LMTK3: variants seen among roughly 807,000 people sequenced by gnomAD.
LMTK3 encodes lemur tail kinase 3.
In LMTK3, 27 loss-of-function variants were observed where a neutral mutation model predicts 116.7. The observed-to-expected ratio is 0.23, with a 90% CI of 0.17 to 0.32. The LOEUF (loss-of-function observed/expected upper bound fraction) is 0.32, where lower values mean the gene tolerates loss of function less well. LMTK3 is among the 10% of genes least tolerant of loss of function. The pLI is 1.00. For missense variants in LMTK3, 1,764 were observed against 2,068.5 expected (o/e 0.85, Z 2.86); for synonymous variants, 965 against 971.0 (o/e 0.99, Z 0.11).
At chr19:48,504,155 A>G (rs1167765149) in intron 5 of LMTK3, among the ~76,000 whole-genome samples, 1 of 152,190 alleles carries the variant, frequency 6.6e-6, no homozygotes, top group African/African-American at 2.4e-5. Flanking sequence ...GGCGTGAACC[A>G]CCGCACCCTG....
intron 12 of LMTK3, 40 bp downstream of exon 12, chr19:48,493,654 A>T (rs1371728611): frequency 6.7e-7 from 1 of 1,503,408 alleles, no homozygotes; most frequent in Non-Finnish European, 8.9e-7. Context: ...TGCTCCCTCC[A>T]GGCCGCGACC....
intron 14 of LMTK3, 21 bp from the exon 15 acceptor site, chr19:48,485,810 C>A: frequency 6.2e-7 from 1 of 1,603,952 alleles, no homozygotes; most frequent in Non-Finnish European, 8.5e-7. Context: ...ACAGAGGAGA[C>A]AGAGAAATGA....
rs780931988 is a variant in LMTK3, at chr19:48,499,117, C to G, written c.1952G>C (p.Gly651Ala). ...ACCTCCAAGGCTGCTGCTGTCTTCCCCTGGGGAGCTGCCCTCCTCCTCCTC... is the reference window on the plus strand; with the variant it reads ...ACCTCCAAGGCTGCTGCTGTCTTCCGCTGGGGAGCTGCCCTCCTCCTCCTC... ...EEEEEEGSSPGEDSSSLGGGP... is the reference protein window; with the variant it reads ...EEEEEEGSSPAEDSSSLGGGP... The change falls in exon 11 of 15, where the codon GGG (glycine) becomes GCG (alanine). Residue 651 changes from glycine (G) to alanine (A), a missense_variant. Physicochemically the swap from Gly to Ala is moderately conservative, Grantham distance 60. Around this residue, in one of 7 missense-constraint regions of LMTK3, gnomAD observed 1,028 missense variants for 1,050.6 expected, o/e 0.98. Coordinates refer to ENST00000600059, the MANE Select transcript of LMTK3 (RefSeq NM_001388485.1). 1.1e-5 allele frequency: 17 copies of G among 1,558,656 alleles called. No individual in the cohort carries two copies. Among genetic ancestry groups the G allele is most frequent in the Admixed American group, 3.7e-5 (2 of 54,004 alleles).
In LMTK3 at chr19:48,502,485, G is replaced by C. The variant is rs761730706; in HGVS notation, c.742C>G (p.Leu248Val). 1.2e-6 allele frequency: 2 copies of C among 1,611,440 alleles called. No homozygotes were observed. The highest frequency in any genetic ancestry group is 2.2e-5 in the South Asian group (2 of 91,006). Residue 248 changes from leucine (L) to valine (V), a missense_variant, in exon 7 of 15, where the codon CTG becomes GTG. Physicochemically the swap from Leu to Val is conservative, Grantham distance 32. This residue lies in a region of LMTK3 where 271 missense variants were observed against 478.2 expected (regional missense o/e 0.57). Transcript: ENST00000600059. ...TGCGCCAGCCCGCGGGCGATCTCCA[G>C]GCCCATCCTCTGCAGCGTCCGCAGG... Reference protein sequence around the residue: ...RDLRTLQRMGLEIARGLAHLH... With the variant: ...RDLRTLQRMGVEIARGLAHLH...
intron 4 of LMTK3, among the ~76,000 whole-genome samples, chr19:48,509,231 T>G (rs1162216846): frequency 2.2e-5 from 3 of 134,108 alleles, no homozygotes; most frequent in African/African-American, 5.6e-5. Flanking sequence ...GTCAATGGAG[T>G]GAGGAGGGAG....
In LMTK3 at chr19:48,491,786, G is replaced by A. The variant is rs1203908272; in HGVS notation, c.4093-247C>T. On this transcript the variant is annotated intron_variant, in intron 12 of 14. Coordinates refer to ENST00000600059, the MANE Select transcript of LMTK3 (RefSeq NM_001388485.1). This position sits in a 1 kb window ranked among gnomAD's most constrained non-coding sequence, Gnocchi z 5.1. ...ACAGCGGAGCCCCGCGCACAGCTAA[G>A]TAGCCCAACGCAGGGATTCTCTCCT... 6.6e-6 allele frequency among the ~76,000 whole-genome samples: 1 copy of A among 152,176 alleles called. No homozygotes were observed. Among genetic ancestry groups the A allele is most frequent in the African/African-American group, 2.4e-5 (1 of 41,426 alleles).
chr19:48,489,303 A>G (rs576964752), intron 14 of LMTK3, among the ~76,000 whole-genome samples: 2 of 152,046 alleles, frequency 1.3e-5, no homozygotes, highest in Non-Finnish European at 2.9e-5. Context: ...GGGGCCGGGC[A>G]TGGTGGCTCA....
At chr19:48,509,357 T>C in intron 4 of LMTK3, 80 bp downstream of exon 4, 2 of 1,313,368 alleles carry the variant, frequency 1.5e-6, no homozygotes, top group Non-Finnish European at 2.1e-6. Context: ...TGAGAAGTGG[T>C]GAGAGCAGGG....
intron 11 of LMTK3, among the ~76,000 whole-genome samples, chr19:48,496,988 A>C (rs530221402): frequency 3.9e-4 from 59 of 152,226 alleles, no homozygotes; most frequent in Non-Finnish European, 6.6e-4. Flanking sequence ...AGCATGCTTC[A>C]TCCGTTTCCC....
Position 48,498,091 on chromosome 19 carries a change from C to G in LMTK3, c.2978G>C (p.Gly993Ala). Reference sequence around the variant, plus strand: ...GTCCTCGCTCTTTGGGGGTGTCAGGCCCCCATTCACCAGCACCTTCTCCCC... The same window carrying G: ...GTCCTCGCTCTTTGGGGGTGTCAGGGCCCCATTCACCAGCACCTTCTCCCC... Reference protein sequence around the residue: ...EAGEKVLVNGGLTPPKSEDKV... With the variant: ...EAGEKVLVNGALTPPKSEDKV... Residue 993 changes from glycine to alanine, a missense_variant, in exon 11 of 15, where the codon GGC (glycine) becomes GCC (alanine). Gly to Ala is a moderately conservative substitution (Grantham distance 60). Around this residue, in one of 7 missense-constraint regions of LMTK3, gnomAD observed 1,028 missense variants for 1,050.6 expected, o/e 0.98. Coordinates refer to ENST00000600059, the MANE Select transcript of LMTK3 (RefSeq NM_001388485.1). 6.2e-7 allele frequency: 1 copy of G among 1,613,090 alleles called. No homozygotes were observed. The highest frequency in any genetic ancestry group is 8.5e-7 in the Non-Finnish European group (1 of 1,179,770).
Position 48,499,121 on chromosome 19 carries a change from G to A in LMTK3, c.1948C>T (p.Pro650Ser). 2 of 1,558,350 alleles carry A rather than the reference G, an allele frequency of 1.3e-6. No homozygotes were observed. ...CCAAGGCTGCTGCTGTCTTCCCCTG[G>A]GGAGCTGCCCTCCTCCTCCTCCTCT... ...EEEEEEEGSSPGEDSSSLGGG... is the reference protein window; with the variant it reads ...EEEEEEEGSSSGEDSSSLGGG... The change falls in exon 11 of 15, where the codon CCA becomes TCA. Residue 650 changes from proline (P) to serine (S), a missense_variant. Pro to Ser is a moderately conservative substitution (Grantham distance 74). Around this residue, in one of 7 missense-constraint regions of LMTK3, gnomAD observed 1,028 missense variants for 1,050.6 expected, o/e 0.98. Transcript: ENST00000600059.
At chr19:48,493,034 C>T (rs1332953357) in intron 12 of LMTK3, among the ~76,000 whole-genome samples, 1 of 152,038 alleles carries the variant, frequency 6.6e-6, no homozygotes, top group Non-Finnish European at 1.5e-5. Context: ...CCCCTCAGGC[C>T]CTTCCCGCGC....
At chr19:48,506,805 C>T (rs1972578557) in intron 5 of LMTK3, among the ~76,000 whole-genome samples, 1 of 152,188 alleles carries the variant, frequency 6.6e-6, no homozygotes, top group South Asian at 2.1e-4. Flanking sequence ...GCTGGGATTA[C>T]AGGCGCCTGC....
intron 11 of LMTK3, among the ~76,000 whole-genome samples, chr19:48,496,120 TTTTG>T (rs1326472495): frequency 5.9e-4 from 84 of 141,564 alleles, no homozygotes; most frequent in Admixed American, 1.0e-3. Context: ...TTTTGTTTTG[TTTTG>T]TTTGAGACAG....
At chr19:48,490,987 G>A (rs1183930173) in intron 14 of LMTK3, 121 bp downstream of exon 14, 4 of 623,396 alleles carry the variant, frequency 6.4e-6, no homozygotes, top group Middle Eastern at 3.5e-4. Flanking sequence ...ACTGAGAGGG[G>A]AGAGAGAAGA....
chr19:48,487,031 ATTTT>A (rs34242861), intron 14 of LMTK3, among the ~76,000 whole-genome samples: 9 of 118,372 alleles, frequency 7.6e-5, no homozygotes, highest in Middle Eastern at 5.0e-3. Context: ...ACACCCGGCT[ATTTT>A]TTTTTTTTTT....
In LMTK3 at chr19:48,499,357, T is replaced by TG; in HGVS notation, c.1711dup (p.Gln571ProfsTer969). ...CAGCTGGGGGACCTCGGAGGGGGCCTGGGGGGCCTGAGGGGCGGGCACTCC... is the reference window on the plus strand; with the variant it reads ...CAGCTGGGGGACCTCGGAGGGGGCCTGGGGGGGCCTGAGGGGCGGGCACTCC... On this transcript the variant is annotated frameshift_variant, in exon 11 of 15. Transcript: ENST00000600059. LOFTEE classifies it high-confidence loss of function. The TG allele has an allele frequency of 7.3e-7, 1 of 1,378,258 alleles. No individual in the cohort carries two copies. The highest frequency in any genetic ancestry group is 9.5e-7 in the Non-Finnish European group (1 of 1,053,170). The allele number at this position is 1,378,258 out of a possible 1,614,324, so 85.4% of individuals were successfully genotyped here. A position where few individuals can be genotyped will look rare whatever the true frequency, so the allele number is the denominator to read the frequency against.
rs1446016950 is a variant in LMTK3 at position 48,493,914 on chromosome 19, G to GCCTCCTCGTCCT, written c.3860_3871dup (p.Glu1287_Glu1290dup). On this transcript the variant is annotated inframe_insertion, in exon 12 of 15. Coordinates refer to ENST00000600059, the MANE Select transcript of LMTK3 (RefSeq NM_001388485.1). ...CCCCGCCGCCGCGCCCGGCGCCGCC[G>GCCTCCTCGTCCT]CCTCCTCGTCCTCCTCCTCGTCCTC... 36 of 1,028,876 alleles carry GCCTCCTCGTCCT rather than the reference G, an allele frequency of 3.5e-5. No individual in the cohort carries two copies. The highest frequency in any genetic ancestry group is 9.4e-5 in the East Asian group (1 of 10,596). The allele number at this position is 1,028,876 out of a possible 1,614,324, so 63.7% of individuals were successfully genotyped here. A position where few individuals can be genotyped will look rare whatever the true frequency, so the allele number is the denominator to read the frequency against.
In LMTK3 at chr19:48,492,434, G is replaced by A. The variant is rs61419767; in HGVS notation, c.4093-895C>T. On this transcript the variant is annotated intron_variant, in intron 12 of 14. Coordinates refer to ENST00000600059, the MANE Select transcript of LMTK3 (RefSeq NM_001388485.1). Reference sequence around the variant, plus strand: ...ACTCTTGACCTCAAGTGATCCTCCCGCCTCGGCCTCCCAAAGTGCTGGGAT... The same window carrying A: ...ACTCTTGACCTCAAGTGATCCTCCCACCTCGGCCTCCCAAAGTGCTGGGAT... 1.8e-3 allele frequency among the ~76,000 whole-genome samples: 274 copies of A among 152,158 alleles called. 7 individuals carry two copies. The East Asian group carries it at 0.048, about 26-fold the overall frequency.
Sources: allele counts gnomAD v4.1 joint callset (sites outside exome capture counted in the v4.1 genomes callset), GRCh38; gene constraint gnomAD v4.1.1; regional missense constraint gnomAD v4.1.1; non-coding constraint Gnocchi (gnomAD v3.1); transcripts MANE v1.5; gene names NCBI Gene and HGNC (gene_info 2026-07-23, HGNC 2026-07-21).